The following ADK variants were observed in gnomAD, a reference collection of about 807,000 sequenced individuals.
ADK encodes the protein adenosine kinase.
A neutral mutation model predicts 44.7 loss-of-function variants in ADK; 24 were observed. The ratio of observed to expected loss-of-function variants is 0.54; its 90% CI spans 0.39 to 0.76. The LOEUF is 0.76. Ranked by LOEUF, ADK falls within the 30% of genes least tolerant of loss-of-function variation. The pLI, the probability that ADK is intolerant of heterozygous loss-of-function variation, is 0.00. For synonymous variants in ADK, 128 were observed against 142.6 expected, an observed-to-expected ratio of 0.90 and a Z score of 0.73; for missense variants, 321 against 425.1, an observed-to-expected ratio of 0.76 and a Z score of 2.15.
intron 1 of ADK, among the ~76,000 whole-genome samples, chr10:74,156,114 C>T (rs1297563985): frequency 6.6e-6 from 1 of 151,996 alleles, no homozygotes; most frequent in Non-Finnish European, 1.5e-5. Flanking sequence ...CAGAGGAAAG[C>T]TTGCATGGAT....
intron 3 of ADK, among the ~76,000 whole-genome samples, chr10:74,270,199 G>A (rs1446485242): frequency 3.3e-5 from 5 of 152,030 alleles, no homozygotes; most frequent in African/African-American, 1.2e-4. Context: ...GCCCCAAAGT[G>A]CTATTGCTTA....
At chr10:74,234,256 A>G (rs941390214) in intron 3 of ADK, among the ~76,000 whole-genome samples, 2 of 152,196 alleles carry the variant, frequency 1.3e-5, no homozygotes, top group African/African-American at 4.8e-5. Flanking sequence ...TAAATAATAC[A>G]TGTTAAAGAA....
intron 4 of ADK, among the ~76,000 whole-genome samples, chr10:74,318,924 A>G (rs998779610): frequency 6.6e-6 from 1 of 152,208 alleles, no homozygotes. Context: ...GCTTAATGTC[A>G]TTGCACTGGA....
chr10:74,487,971 G>A (rs1847324704), intron 6 of ADK, among the ~76,000 whole-genome samples: 1 of 152,036 alleles, frequency 6.6e-6, no homozygotes, highest in South Asian at 2.1e-4. Context: ...GTGATTCAGT[G>A]TAGCATCCTA....
intron 3 of ADK, among the ~76,000 whole-genome samples, chr10:74,301,307 G>A (rs1281092451): frequency 6.6e-6 from 1 of 152,100 alleles, no homozygotes; most frequent in East Asian, 1.9e-4. Flanking sequence ...GAGGTCAGGA[G>A]TTCAAGACCA....
intron 3 of ADK, among the ~76,000 whole-genome samples, chr10:74,249,173 T>A (rs10824130): frequency 0.21 from 31,469 of 152,052 alleles, 4,409 homozygotes; most frequent in African/African-American, 0.4. Flanking sequence ...AAAACATATT[T>A]CTTCTTAATT....
intron 6 of ADK, among the ~76,000 whole-genome samples, chr10:74,462,933 A>C (rs1846221262): frequency 6.6e-6 from 1 of 152,198 alleles, no homozygotes; most frequent in Non-Finnish European, 1.5e-5. Flanking sequence ...AAGTTTTAGC[A>C]TGTCCAGACT....
At chr10:74,303,433 T>C (rs1475294585) in intron 3 of ADK, among the ~76,000 whole-genome samples, 1 of 152,106 alleles carries the variant, frequency 6.6e-6, no homozygotes, top group Non-Finnish European at 1.5e-5. Flanking sequence ...CTTCAGGCTA[T>C]TCTTTAATAT....
intron 10 of ADK, among the ~76,000 whole-genome samples, chr10:74,703,200 C>T (rs975614473): frequency 2.6e-5 from 4 of 151,968 alleles, no homozygotes; most frequent in South Asian, 2.1e-4. Context: ...GGGATAAGCG[C>T]GTCAGACACA....
At chr10:74,662,322 G>A (rs1173848512) in intron 9 of ADK, among the ~76,000 whole-genome samples, 1 of 152,100 alleles carries the variant, frequency 6.6e-6, no homozygotes, top group Non-Finnish European at 1.5e-5. Flanking sequence ...GCTCTGTCAT[G>A]CAGGCTGGAG....
At chr10:74,500,856 G>T (rs1847865212) in intron 6 of ADK, among the ~76,000 whole-genome samples, 1 of 152,134 alleles carries the variant, frequency 6.6e-6, no homozygotes, top group South Asian at 2.1e-4. Flanking sequence ...CAGCAATAAA[G>T]AAATTATTGA....
intron 3 of ADK, among the ~76,000 whole-genome samples, chr10:74,288,947 T>C (rs923721301): frequency 1.3e-5 from 2 of 152,196 alleles, no homozygotes; most frequent in Non-Finnish European, 2.9e-5. Flanking sequence ...TTTATAAAAC[T>C]GTATTGCAGC....
At chr10:74,238,897 C>G (rs542866658) in intron 3 of ADK, among the ~76,000 whole-genome samples, 42 of 121,104 alleles carry the variant, frequency 3.5e-4, no homozygotes, top group South Asian at 1.9e-3. Flanking sequence ...GAGTCTCGCT[C>G]TGTTCCAGGC....
intron 6 of ADK, among the ~76,000 whole-genome samples, chr10:74,414,949 C>T (rs910578832): frequency 6.6e-6 from 1 of 152,080 alleles, no homozygotes; most frequent in African/African-American, 2.4e-5. Flanking sequence ...TCTACCAAGA[C>T]AGAGAAGAAA....
chr10:74,636,353 G>T (rs1372150171), intron 9 of ADK, among the ~76,000 whole-genome samples: 7 of 152,158 alleles, frequency 4.6e-5, no homozygotes, highest in Non-Finnish European at 8.8e-5. Flanking sequence ...GGAAACTATT[G>T]AAGGGTTTTG....
At chr10:74,277,692 C>T (rs1167201020) in intron 3 of ADK, among the ~76,000 whole-genome samples, 1 of 152,130 alleles carries the variant, frequency 6.6e-6, no homozygotes, top group Non-Finnish European at 1.5e-5. Flanking sequence ...AGCCACCGCG[C>T]CCAGCTAAAT....
In ADK at chr10:74,567,648, A is replaced by C. The variant is rs184255117; in HGVS notation, c.727-21634A>C. 2.5e-3 allele frequency among the ~76,000 whole-genome samples: 369 copies of C among 148,192 alleles called. 2 individuals are homozygous for C. Among genetic ancestry groups the C allele is most frequent in the African/African-American group, 8.8e-3 (354 of 40,210 alleles). On this transcript the variant is annotated intron_variant, in intron 7 of 10. Transcript: ENST00000539909. Reference sequence around the variant, plus strand: ...TTTGTTGAGACTTTGATCAAATTTCACATTTCCCATTTCTTTTGTTCTCTC... The same window carrying C: ...TTTGTTGAGACTTTGATCAAATTTCCCATTTCCCATTTCTTTTGTTCTCTC...
intron 6 of ADK, among the ~76,000 whole-genome samples, chr10:74,472,535 A>C (rs569322240): frequency 6.6e-6 from 1 of 152,046 alleles, no homozygotes; most frequent in Non-Finnish European, 1.5e-5. Context: ...GTCTCATATA[A>C]TGTTCTACAA....
At chr10:74,623,471 G>A (rs577367084) in intron 9 of ADK, among the ~76,000 whole-genome samples, 1 of 152,098 alleles carries the variant, frequency 6.6e-6, no homozygotes, top group Admixed American at 6.5e-5. Flanking sequence ...GTCCATATAT[G>A]ATCTAGTCCG....
Sources: allele counts gnomAD v4.1 joint callset (sites outside exome capture counted in the v4.1 genomes callset), GRCh38; gene constraint gnomAD v4.1.1; transcripts MANE v1.5; gene names NCBI Gene and HGNC (gene_info 2026-07-23, HGNC 2026-07-21).